C10orf67: variants seen among roughly 807,000 people sequenced by gnomAD.
The protein encoded by C10orf67 is uncharacterized protein C10orf67, mitochondrial.
Under a neutral mutation model 35.6 loss-of-function variants are expected in C10orf67, and 60 were observed. The ratio of observed to expected loss-of-function variants is 1.68; its 90% CI spans 1.37 to 2.09. C10orf67 has a LOEUF of 2.09. C10orf67 is among the 30% of genes most tolerant of loss of function. The probability of loss-of-function intolerance (pLI) is 0.00; values close to 1 mark genes in which losing one functional copy is unlikely to be tolerated. For missense variants in C10orf67, 474 were observed against 330.2 expected (o/e 1.44, Z -3.38); for synonymous variants, 167 against 115.8 (o/e 1.44, Z -2.84).
chr10:23,256,284 A>T (rs932095542), intron 10 of C10orf67, among the ~76,000 whole-genome samples: 13 of 152,162 alleles, frequency 8.5e-5, no homozygotes, highest in Non-Finnish European at 1.3e-4. Context: ...TATTACAGGC[A>T]TGAGCTTCTA....
chr10:23,307,518 T>G (rs909026960), intron 4 of C10orf67, among the ~76,000 whole-genome samples: 1 of 151,754 alleles, frequency 6.6e-6, no homozygotes, highest in Non-Finnish European at 1.5e-5. Context: ...ACAGTAGAAT[T>G]AAAAAGAGTG....
At chr10:23,278,047 G>A (rs1228968341) in intron 8 of C10orf67, among the ~76,000 whole-genome samples, 1 of 152,202 alleles carries the variant, frequency 6.6e-6, no homozygotes, top group African/African-American at 2.4e-5. Context: ...CTATAGTGAA[G>A]ACAGTATCAT....
intron 9 of C10orf67, 102 bp from the exon 10 acceptor site, chr10:23,266,528 A>G: frequency 2.5e-6 from 1 of 397,078 alleles, no homozygotes; most frequent in Non-Finnish European, 4.4e-6. Flanking sequence ...GAATTGCAGA[A>G]CTGAGGTTTT....
At chr10:23,327,522 A>G (rs1297536619) in intron 2 of C10orf67, among the ~76,000 whole-genome samples, 1 of 152,164 alleles carries the variant, frequency 6.6e-6, no homozygotes, top group Non-Finnish European at 1.5e-5. Flanking sequence ...TAATTAATAA[A>G]TACAGATTTT....
At chr10:23,240,515 T>C (rs1299137546) in intron 12 of C10orf67, among the ~76,000 whole-genome samples, 1 of 152,196 alleles carries the variant, frequency 6.6e-6, no homozygotes, top group Non-Finnish European at 1.5e-5. Context: ...ACACCAAAGA[T>C]AATAAGAACT....
intron 4 of C10orf67, among the ~76,000 whole-genome samples, chr10:23,311,723 A>AAAAG (rs56169012): frequency 0.99 from 150,454 of 151,256 alleles, 74,841 homozygotes; most frequent in African/African-American, 1. Context: ...AAGAAAAAAA[A>AAAAG]AAAGAAATTC....
chr10:23,258,523 A>G (rs1158185968), intron 10 of C10orf67: 1 of 169,344 alleles, frequency 5.9e-6, no homozygotes, highest in African/African-American at 2.4e-5. Flanking sequence ...TACTCCTACC[A>G]TGGCCTTCCA....
At chr10:23,301,145 A>C (rs1266067098) in intron 5 of C10orf67, among the ~76,000 whole-genome samples, 1 of 152,210 alleles carries the variant, frequency 6.6e-6, no homozygotes, top group Non-Finnish European at 1.5e-5. Flanking sequence ...TATGGGTCAG[A>C]AGGAAAGGTA....
At chr10:23,232,859 T>G (rs1026794790) in intron 13 of C10orf67, among the ~76,000 whole-genome samples, 1 of 152,132 alleles carries the variant, frequency 6.6e-6, no homozygotes, top group Non-Finnish European at 1.5e-5. Context: ...ACAACAGCAG[T>G]CATTAAAAGT....
chr10:23,249,954 T>C (rs1315009214), intron 12 of C10orf67, among the ~76,000 whole-genome samples: 2 of 152,172 alleles, frequency 1.3e-5, no homozygotes, highest in Admixed American at 1.3e-4. Context: ...TTTCAGAATT[T>C]TACAGTTTCT....
intron 10 of C10orf67, among the ~76,000 whole-genome samples, chr10:23,251,658 G>T (rs1033837683): frequency 6.6e-6 from 1 of 152,108 alleles, no homozygotes; most frequent in Non-Finnish European, 1.5e-5. Flanking sequence ...CAGAGTCATT[G>T]CTACTTTCTA....
At position 23,322,431 on chromosome 10, in the gene C10orf67, T is replaced by G; in HGVS notation, c.434A>C (p.His145Pro). The G allele has an allele frequency of 6.2e-7, 1 of 1,609,124 alleles. No individual in the cohort carries two copies. The highest frequency in any genetic ancestry group is 1.7e-5 in the Admixed American group (1 of 59,994). ...CTTTTCAATTTCTAGGATCCTGTCA[T>G]GCAGAATGGTGAAGAGACTCAAAGA... ...EESLSLFTIL[H>P]DRILEIEKHY... The change falls in exon 3 of 16, where the codon CAT (histidine) becomes CCT (proline). Residue 145 changes from histidine (H) to proline (P), a missense_variant. Coordinates refer to ENST00000636213, the MANE Select transcript of C10orf67 (RefSeq NM_001371909.1).
At chr10:23,325,392 C>T (rs1002935584) in intron 2 of C10orf67, among the ~76,000 whole-genome samples, 46 of 151,360 alleles carry the variant, frequency 3.0e-4, no homozygotes, top group Non-Finnish European at 6.3e-4. Context: ...AAACCTCTGG[C>T]TCATCCCTGA....
At chr10:23,243,180 C>T (rs947002144) in intron 12 of C10orf67, among the ~76,000 whole-genome samples, 1 of 152,086 alleles carries the variant, frequency 6.6e-6, no homozygotes, top group Non-Finnish European at 1.5e-5. Context: ...GAGTACCCAA[C>T]AACTAAGATG....
intron 13 of C10orf67, among the ~76,000 whole-genome samples, chr10:23,235,287 C>G (rs1454489300): frequency 1.3e-5 from 2 of 151,964 alleles, no homozygotes; most frequent in African/African-American, 4.8e-5. Flanking sequence ...TTGTCACAGA[C>G]ACAGAGAATA....
intron 12 of C10orf67, among the ~76,000 whole-genome samples, chr10:23,247,503 C>T (rs1253596317): frequency 1.3e-5 from 2 of 152,146 alleles, no homozygotes; most frequent in African/African-American, 4.8e-5. Context: ...TAAGCACACT[C>T]TAAGATGCTC....
At chr10:23,285,417 T>C (rs937199038) in intron 7 of C10orf67, among the ~76,000 whole-genome samples, 1 of 149,652 alleles carries the variant, frequency 6.7e-6, no homozygotes, top group African/African-American at 2.4e-5. Flanking sequence ...AACAAAGCTA[T>C]CAGAAATATA....
At chr10:23,265,468 G>A (rs762922882) in intron 10 of C10orf67, among the ~76,000 whole-genome samples, 59 of 152,244 alleles carry the variant, frequency 3.9e-4, no homozygotes, top group Admixed American at 5.2e-4. Flanking sequence ...GAGAGACTCT[G>A]TGTGAAGCAC....
At chr10:23,229,144 C>T (rs1219356830) in intron 13 of C10orf67, among the ~76,000 whole-genome samples, 1 of 151,972 alleles carries the variant, frequency 6.6e-6, no homozygotes, top group Non-Finnish European at 1.5e-5. Flanking sequence ...CGTATGTTCA[C>T]TGCGGCACTA....
Sources: gnomAD v4.1 joint callset for allele counts (sites outside exome capture counted in the v4.1 genomes callset) on GRCh38, gnomAD v4.1.1 for gene constraint, MANE v1.5 for transcripts, NCBI Gene and HGNC (gene_info 2026-07-23, HGNC 2026-07-21) for gene names.